Variants in PLCB1 observed in about 807,000 individuals in gnomAD.
PLCB1 encodes 1-phosphatidylinositol 4,5-bisphosphate phosphodiesterase beta-1.
A neutral mutation model predicts 161.8 loss-of-function variants in PLCB1; 46 were observed. That is an observed-to-expected ratio of 0.28 (90% CI 0.22 to 0.36). The LOEUF (loss-of-function observed/expected upper bound fraction) is 0.36, where lower values mean the gene tolerates loss of function less well. Among genes scored for constraint, PLCB1 ranks in the 10% least tolerant of loss-of-function variants. The probability of loss-of-function intolerance (pLI) is 1.00; values close to 1 mark genes in which losing one functional copy is unlikely to be tolerated. For synonymous variants in PLCB1, 517 were observed against 503.7 expected, an observed-to-expected ratio of 1.03 and a Z score of -0.35; for missense variants, 1,016 against 1,472.5, an observed-to-expected ratio of 0.69 and a Z score of 5.07.
intron 2 of PLCB1, among the ~76,000 whole-genome samples, chr20:8,283,479 T>C (rs1274107006): frequency 6.6e-6 from 1 of 151,312 alleles, no homozygotes; most frequent in Non-Finnish European, 1.5e-5. Flanking sequence ...TTTTTAATAA[T>C]AAATGCTCTA....
chr20:8,759,441 G>A (rs1981902839), intron 24 of PLCB1, among the ~76,000 whole-genome samples: 1 of 152,110 alleles, frequency 6.6e-6, no homozygotes, highest in Non-Finnish European at 1.5e-5. Flanking sequence ...ATTCACCAAT[G>A]GATCTTTCCT....
At chr20:8,333,362 C>T (rs1296288712) in intron 2 of PLCB1, among the ~76,000 whole-genome samples, 1 of 152,198 alleles carries the variant, frequency 6.6e-6, no homozygotes, top group Non-Finnish European at 1.5e-5. Context: ...TTGCTTTCAT[C>T]CAGGTGGGGA....
At chr20:8,135,143 G>A (rs984518255) in intron 1 of PLCB1, among the ~76,000 whole-genome samples, 7 of 152,152 alleles carry the variant, frequency 4.6e-5, no homozygotes, top group Non-Finnish European at 7.3e-5. Context: ...AAAAGAACCA[G>A]ATCTTGAATC....
In PLCB1 at chr20:8,577,299, G is replaced by C. The variant is rs546965330; in HGVS notation, c.247-50995G>C. Among the ~76,000 whole-genome samples the C allele has an allele frequency of 2.0e-5, 3 of 151,230 alleles. No individual in the cohort carries two copies. The East Asian group carries it at 5.8e-4, about 29-fold the overall frequency. ...AAAAAAAAAAAAAAATTAGCTGGGC[G>C]TGGTGGCGGGCACCTGTAATCCCAG... is the stretch of plus-strand genomic sequence containing the variant. On this transcript the variant is annotated intron_variant, in intron 3 of 31. Coordinates refer to ENST00000338037, the MANE Select transcript of PLCB1 (RefSeq NM_015192.4).
At chr20:8,515,990 TCA>T (rs1468559695) in intron 3 of PLCB1, among the ~76,000 whole-genome samples, 6 of 152,074 alleles carry the variant, frequency 3.9e-5, no homozygotes, top group African/African-American at 1.4e-4. Flanking sequence ...AAGAGCAAAG[TCA>T]CATCTTACAT....
intron 15 of PLCB1, among the ~76,000 whole-genome samples, chr20:8,722,863 A>C (rs1295066755): frequency 6.6e-6 from 1 of 152,118 alleles, no homozygotes; most frequent in Non-Finnish European, 1.5e-5. Context: ...AAAATGAAAG[A>C]TAAAACACAT....
intron 11 of PLCB1, among the ~76,000 whole-genome samples, chr20:8,704,750 T>C (rs1162649014): frequency 6.6e-6 from 1 of 152,052 alleles, no homozygotes; most frequent in Non-Finnish European, 1.5e-5. Context: ...AGAGACAGAG[T>C]TATTAAAAGG....
chr20:8,531,453 T>C (rs958696580), intron 3 of PLCB1, among the ~76,000 whole-genome samples: 3 of 152,122 alleles, frequency 2.0e-5, no homozygotes, highest in African/African-American at 7.2e-5. Context: ...TAGTAATATA[T>C]ATAATATGTA....
intron 2 of PLCB1, among the ~76,000 whole-genome samples, chr20:8,201,893 T>C (rs1023151044): frequency 6.6e-6 from 1 of 152,234 alleles, no homozygotes. Flanking sequence ...ACCTACAACA[T>C]GAATGAAGAA....
chr20:8,534,577 G>GCT (rs1264640223), intron 3 of PLCB1, among the ~76,000 whole-genome samples: 2 of 150,854 alleles, frequency 1.3e-5, no homozygotes, highest in African/African-American at 2.5e-5. Flanking sequence ...TTGTGGAACT[G>GCT]GAGTGAAACA....
intron 2 of PLCB1, among the ~76,000 whole-genome samples, chr20:8,233,696 C>T (rs1236824198): frequency 6.6e-6 from 1 of 152,140 alleles, no homozygotes; most frequent in Non-Finnish European, 1.5e-5. Context: ...GAGGTCCTCA[C>T]ATCCCCCTAA....
chr20:8,384,974 T>C (rs936602486), intron 3 of PLCB1, among the ~76,000 whole-genome samples: 5 of 152,188 alleles, frequency 3.3e-5, no homozygotes, highest in Non-Finnish European at 5.9e-5. Context: ...ATAGGGTGTC[T>C]GACAACCACG....
chr20:8,187,144 C>T (rs2051914558), intron 2 of PLCB1, among the ~76,000 whole-genome samples: 1 of 152,128 alleles, frequency 6.6e-6, no homozygotes, highest in Non-Finnish European at 1.5e-5. Flanking sequence ...ATCACCTAGT[C>T]TCAGTCTGTA....
intron 3 of PLCB1, among the ~76,000 whole-genome samples, chr20:8,490,519 ATAGATAAAT>A (rs1982901149): frequency 6.6e-6 from 1 of 152,176 alleles, no homozygotes; most frequent in Non-Finnish European, 1.5e-5. Flanking sequence ...TCTATTTCTC[ATAGATAAAT>A]TTTGTAAGCA....
At chr20:8,769,922 G>C (rs1215627054) in intron 26 of PLCB1, among the ~76,000 whole-genome samples, 2 of 151,994 alleles carry the variant, frequency 1.3e-5, no homozygotes, top group African/African-American at 4.8e-5. Flanking sequence ...TAATACTTGG[G>C]CTTTAAAAAG....
chr20:8,672,810 C>A (rs1036956885), intron 9 of PLCB1, among the ~76,000 whole-genome samples: 1 of 152,024 alleles, frequency 6.6e-6, no homozygotes, highest in African/African-American at 2.4e-5. Context: ...TGTTACCAGA[C>A]CTTATTTAAA....
At chr20:8,479,443 C>A (rs1449172448) in intron 3 of PLCB1, among the ~76,000 whole-genome samples, 3 of 152,178 alleles carry the variant, frequency 2.0e-5, no homozygotes, top group Non-Finnish European at 2.9e-5. Context: ...ACTGCAAGAT[C>A]TATGTCTATT....
At chr20:8,803,318 G>T (rs1984372735) in intron 31 of PLCB1, among the ~76,000 whole-genome samples, 2 of 151,986 alleles carry the variant, frequency 1.3e-5, no homozygotes, top group African/African-American at 2.4e-5. Context: ...AACTGGCCAG[G>T]ATGTAGTACA....
In PLCB1 at chr20:8,788,452, A is replaced by C. The variant is rs763915322; in HGVS notation, c.3115A>C (p.Ile1039Leu). The C allele has an allele frequency of 8.1e-6, 13 of 1,612,730 alleles. No individual in the cohort carries two copies. The South Asian group carries it at 1.4e-4, about 18-fold the overall frequency. ...AACTGACATTTTCTTTTTCCAGCTT[A>C]TTCAAAAGTTGACGGATGTCGCAGA... ...YQKREHIKLLIQKLTDVAEEC... is the reference protein window; with the variant it reads ...YQKREHIKLLLQKLTDVAEEC... The change falls in exon 28 of 32, where the codon ATT becomes CTT. Residue 1039 changes from isoleucine to leucine, a missense_variant. Coordinates refer to ENST00000338037, the MANE Select transcript of PLCB1 (RefSeq NM_015192.4).
Sources: gnomAD v4.1 joint callset for allele counts (sites outside exome capture counted in the v4.1 genomes callset) on GRCh38, gnomAD v4.1.1 for gene constraint, MANE v1.5 for transcripts, NCBI Gene and HGNC (gene_info 2026-07-23, HGNC 2026-07-21) for gene names.